Variants in TAS2R1 observed in about 807,000 individuals in gnomAD.
The protein encoded by TAS2R1 is taste receptor type 2 member 1.
For missense variants in TAS2R1, 370 were observed against 353.4 expected (o/e 1.05, Z -0.38); for synonymous variants, 141 against 134.2 (o/e 1.05, Z -0.35).
At chr5:9,657,818 C>G (rs1376446184) in intron 2 of TAS2R1, among the ~76,000 whole-genome samples, 2 of 152,116 alleles carry the variant, frequency 1.3e-5, no homozygotes, top group African/African-American at 4.8e-5. Context: ...AGATCTGTCA[C>G]ACAACAATGT....
At chr5:9,874,031 A>C in the TAS2R1 span, among the ~76,000 whole-genome samples, 648 of 151,946 alleles carry the variant, frequency 4.3e-3, 5 homozygotes, top group African/African-American at 0.015. Context: ...AGGGAGGAAG[A>C]GAAAGAAAGA....
intron 1 of TAS2R1, among the ~76,000 whole-genome samples, chr5:9,671,255 C>T (rs745398356): frequency 2.0e-5 from 3 of 152,182 alleles, no homozygotes; most frequent in South Asian, 2.1e-4. Flanking sequence ...CAACTCTCAC[C>T]GCTCCTATTC....
the TAS2R1 span, among the ~76,000 whole-genome samples, chr5:9,891,246 G>T: frequency 1.2e-3 from 179 of 152,156 alleles, 2 homozygotes; most frequent in African/African-American, 4.2e-3. Context: ...TAAGCAGGCA[G>T]CCATCTTCTA....
At chr5:9,847,706 G>A in the TAS2R1 span, among the ~76,000 whole-genome samples, 1 of 152,220 alleles carries the variant, frequency 6.6e-6, no homozygotes, top group Non-Finnish European at 1.5e-5. Context: ...GCCTTTGACG[G>A]TCGGTATGCC....
chr5:9,769,155 A>G, the TAS2R1 span, among the ~76,000 whole-genome samples: 3 of 152,148 alleles, frequency 2.0e-5, no homozygotes. Context: ...GCTCTCATAA[A>G]TAAGTGAGAA....
chr5:9,895,648 A>C, the TAS2R1 span, among the ~76,000 whole-genome samples: 5 of 152,230 alleles, frequency 3.3e-5, no homozygotes, highest in Non-Finnish European at 7.3e-5. Context: ...GTTCTGTTAC[A>C]AATCCAATAT....
the TAS2R1 span, among the ~76,000 whole-genome samples, chr5:9,828,262 A>G: frequency 3.9e-5 from 6 of 152,220 alleles, no homozygotes; most frequent in East Asian, 9.7e-4. Flanking sequence ...AGTAGCTGAG[A>G]TTACAGGCAT....
chr5:9,814,159 T>G, the TAS2R1 span, among the ~76,000 whole-genome samples: 6 of 152,198 alleles, frequency 3.9e-5, no homozygotes, highest in East Asian at 1.2e-3. Context: ...CAGCCCCCTT[T>G]GATGTTAAAT....
At chr5:9,736,648 C>T in the TAS2R1 span, among the ~76,000 whole-genome samples, 1 of 152,180 alleles carries the variant, frequency 6.6e-6, no homozygotes, top group Non-Finnish European at 1.5e-5. Flanking sequence ...GGGATGGCCT[C>T]CCAAATAAAG....
the TAS2R1 span, among the ~76,000 whole-genome samples, chr5:9,761,487 A>G: frequency 6.6e-6 from 1 of 152,206 alleles, no homozygotes; most frequent in African/African-American, 2.4e-5. Flanking sequence ...TAATAAAATA[A>G]AAGACTTAAA....
At chr5:9,840,857 ATTTTTTTTTTT>A in the TAS2R1 span, among the ~76,000 whole-genome samples, 36 of 132,094 alleles carry the variant, frequency 2.7e-4, no homozygotes, top group South Asian at 4.7e-4. Flanking sequence ...TTATTTATTT[ATTTTTTTTTTT>A]TTTTTTTTTT....
chr5:9,751,320 T>G, the TAS2R1 span, among the ~76,000 whole-genome samples: 1 of 151,374 alleles, frequency 6.6e-6, no homozygotes, highest in Non-Finnish European at 1.5e-5. Context: ...CTGGATGATG[T>G]CACACACTGC....
At chr5:9,775,629 G>A in the TAS2R1 span, among the ~76,000 whole-genome samples, 3 of 151,758 alleles carry the variant, frequency 2.0e-5, no homozygotes, top group Non-Finnish European at 2.9e-5. Context: ...GGGCTCAAGG[G>A]CTCTCTCTCT....
At chr5:9,896,435 T>C in the TAS2R1 span, among the ~76,000 whole-genome samples, 2 of 152,156 alleles carry the variant, frequency 1.3e-5, no homozygotes, top group African/African-American at 4.8e-5. Context: ...TTTAGGTCAG[T>C]TTAGAAAACG....
the TAS2R1 span, among the ~76,000 whole-genome samples, chr5:9,814,503 A>G: frequency 1.7e-3 from 257 of 152,282 alleles, 2 homozygotes; most frequent in African/African-American, 5.8e-3. Flanking sequence ...ATTCCATGAA[A>G]GTTCAAATAG....
At chr5:9,886,543 A>G in the TAS2R1 span, among the ~76,000 whole-genome samples, 1 of 151,848 alleles carries the variant, frequency 6.6e-6, no homozygotes, top group African/African-American at 2.4e-5. Context: ...CACATTGACC[A>G]GGCTGGTCTC....
chr5:9,650,031 G>A (rs995203710), intron 2 of TAS2R1, among the ~76,000 whole-genome samples: 7 of 152,032 alleles, frequency 4.6e-5, no homozygotes, highest in African/African-American at 1.7e-4. Context: ...TATATAGTCT[G>A]GAATTGGCCC....
At chr5:9,768,918 C>T in the TAS2R1 span, among the ~76,000 whole-genome samples, 1 of 152,154 alleles carries the variant, frequency 6.6e-6, no homozygotes, top group Non-Finnish European at 1.5e-5. Context: ...CTTTGTATTA[C>T]AAATGATACA....
the TAS2R1 span, among the ~76,000 whole-genome samples, chr5:9,740,924 C>A: frequency 1.3e-5 from 2 of 152,138 alleles, no homozygotes; most frequent in African/African-American, 2.4e-5. Context: ...GTAATTAGTT[C>A]TTTTGATGTG....
Sources: allele counts gnomAD v4.1 joint callset (sites outside exome capture counted in the v4.1 genomes callset), GRCh38; gene constraint gnomAD v4.1.1; transcripts MANE v1.5; gene names NCBI Gene and HGNC (gene_info 2026-07-23, HGNC 2026-07-21).